Variants in TACC2 observed in about 807,000 individuals in gnomAD.
TACC2 encodes the protein transforming acidic coiled-coil containing protein 2.
A neutral mutation model predicts 227.3 loss-of-function variants in TACC2; 137 were observed. The ratio of observed to expected loss-of-function variants is 0.60; its 90% CI spans 0.52 to 0.69. The LOEUF (loss-of-function observed/expected upper bound fraction) is 0.69, where lower values mean the gene tolerates loss of function less well. Ranked by LOEUF, TACC2 falls within the 30% of genes least tolerant of loss-of-function variation. The pLI, the probability that TACC2 is intolerant of heterozygous loss-of-function variation, is 0.00. For missense variants in TACC2, 3,470 were observed against 3,694.4 expected (o/e 0.94, Z 1.57); for synonymous variants, 1,523 against 1,487.5 (o/e 1.02, Z -0.55).
intron 8 of TACC2, among the ~76,000 whole-genome samples, chr10:122,207,159 C>T (rs1390480224): frequency 7.2e-5 from 11 of 152,014 alleles, no homozygotes; most frequent in Admixed American, 2.0e-4. Context: ...ATTAGCCAGG[C>T]GTGGTGGCAC....
At chr10:121,995,774 A>G (rs1953390343) in intron 1 of TACC2, among the ~76,000 whole-genome samples, 1 of 151,858 alleles carries the variant, frequency 6.6e-6, no homozygotes, top group African/African-American at 2.4e-5. Context: ...TTTTGTTTTG[A>G]GACAGAGTCT....
At chr10:122,068,305 C>T (rs1019971072) in intron 3 of TACC2, among the ~76,000 whole-genome samples, 2 of 152,050 alleles carry the variant, frequency 1.3e-5, no homozygotes, top group Non-Finnish European at 2.9e-5. Flanking sequence ...TGTGTAATTT[C>T]TTGGTTCAAG....
At chr10:122,021,834 A>G (rs1957379792) in intron 1 of TACC2, 103 bp from the exon 2 acceptor site, 2 of 674,518 alleles carry the variant, frequency 3.0e-6, no homozygotes, top group East Asian at 2.8e-5. Flanking sequence ...AGAGATAAAC[A>G]TTTCCCATCA....
At chr10:122,000,711 G>A (rs1380105293) in intron 1 of TACC2, among the ~76,000 whole-genome samples, 1 of 152,146 alleles carries the variant, frequency 6.6e-6, no homozygotes, top group African/African-American at 2.4e-5. Flanking sequence ...TGTCTACAAT[G>A]GTTGAGCTTA....
chr10:122,043,847 T>G (rs1445731266), intron 2 of TACC2, among the ~76,000 whole-genome samples: 5 of 152,226 alleles, frequency 3.3e-5, no homozygotes, highest in African/African-American at 7.2e-5. Flanking sequence ...CCCAAAGTGC[T>G]GGGATTACAG....
In TACC2 at chr10:122,047,484, C is replaced by T. The variant is rs1212000523; in HGVS notation, c.34-2954C>T. Among the ~76,000 whole-genome samples the T allele has an allele frequency of 2.6e-5, 4 of 152,102 alleles. No homozygotes were observed. The South Asian group carries it at 8.3e-4, about 32-fold the overall frequency. The stretch of plus-strand genomic sequence containing the variant: ...GCACTCGTTAAGGGAATGGCTCAGC[C>T]TGCAGGGAGGTCAAGCCAACCCCAG... On this transcript the variant is annotated intron_variant, in intron 2 of 22. Transcript: ENST00000369005.
intron 1 of TACC2, among the ~76,000 whole-genome samples, chr10:122,018,127 C>T (rs1044262503): frequency 8.6e-5 from 13 of 151,924 alleles, no homozygotes; most frequent in African/African-American, 2.4e-4. Flanking sequence ...GCTTCTCACC[C>T]CCATCCCCCA....
chr10:122,030,533 G>C (rs1012252767), intron 2 of TACC2, among the ~76,000 whole-genome samples: 3 of 152,032 alleles, frequency 2.0e-5, no homozygotes, highest in African/African-American at 7.2e-5. Context: ...TGGTGTGGGG[G>C]TTCAATACCC....
At chr10:122,216,143 C>T (rs1438453119) in intron 10 of TACC2, among the ~76,000 whole-genome samples, 4 of 152,162 alleles carry the variant, frequency 2.6e-5, no homozygotes. Context: ...GCTCAGGTCC[C>T]AGCTGCAGCT....
intron 5 of TACC2, among the ~76,000 whole-genome samples, chr10:122,093,584 C>T (rs2081063400): frequency 6.6e-6 from 1 of 152,196 alleles, no homozygotes; most frequent in Non-Finnish European, 1.5e-5. Flanking sequence ...ATGTCACTTA[C>T]AGCAATACTC....
At chr10:122,110,491 T>G (rs1351121430) in intron 5 of TACC2, among the ~76,000 whole-genome samples, 1 of 152,174 alleles carries the variant, frequency 6.6e-6, no homozygotes, top group Non-Finnish European at 1.5e-5. Flanking sequence ...CAGTACTGTA[T>G]GATATTAGGA....
rs747524473 is a variant in TACC2, at chr10:122,087,295, C to T, written c.4795C>T (p.Gln1599Ter). The T allele has an allele frequency of 1.9e-6, 3 of 1,613,816 alleles. No individual in the cohort carries two copies. Among genetic ancestry groups the T allele is most frequent in the African/African-American group, 1.3e-5 (1 of 74,948 alleles). ...CCAAGACAGAATTCCTTCTGGAAAG[C>T]AGCACCAGGAAACATCTGCCTGCGA... ...VAQDRIPSGK[Q>*]HQETSACDSP... Residue 1599 changes from glutamine to a stop codon, truncating the protein, a stop_gained, in exon 4 of 23, where the codon CAG becomes TAG. Transcript: ENST00000369005. LOFTEE classifies it high-confidence loss of function.
intron 8 of TACC2, among the ~76,000 whole-genome samples, chr10:122,195,972 C>G (rs1041479005): frequency 6.6e-6 from 1 of 152,194 alleles, no homozygotes; most frequent in Non-Finnish European, 1.5e-5. Context: ...ACAGCCTTCC[C>G]GTGTGATGAG....
intron 8 of TACC2, among the ~76,000 whole-genome samples, chr10:122,202,867 G>C (rs1159404754): frequency 2.7e-5 from 4 of 150,734 alleles, no homozygotes; most frequent in African/African-American, 4.9e-5. Context: ...GACTCTTAAG[G>C]AGCATGCTGC....
chr10:122,197,129 C>T (rs868763336), intron 8 of TACC2, among the ~76,000 whole-genome samples: 6 of 151,502 alleles, frequency 4.0e-5, no homozygotes, highest in East Asian at 3.9e-4. Context: ...GGCATGGTGC[C>T]GCACGCCTGT....
intron 18 of TACC2, among the ~76,000 whole-genome samples, chr10:122,239,625 G>C (rs1266783434): frequency 6.6e-6 from 1 of 152,172 alleles, no homozygotes; most frequent in African/African-American, 2.4e-5. Context: ...ACCCAGGAAG[G>C]CTGTAAGTTC....
chr10:122,127,365 C>A (rs1286700654), intron 5 of TACC2, among the ~76,000 whole-genome samples: 2 of 152,216 alleles, frequency 1.3e-5, no homozygotes, highest in Non-Finnish European at 2.9e-5. Context: ...ATGTACAGAA[C>A]TGAAGATGTG....
Position 122,084,844 on chromosome 10 carries a change from C to G in TACC2, c.2344C>G (p.Pro782Ala). The change falls in exon 4 of 23, where the codon CCC becomes GCC. Residue 782 changes from proline to alanine, a missense_variant. Physicochemically the swap from Pro to Ala is conservative, Grantham distance 27. Coordinates refer to ENST00000369005, the MANE Select transcript of TACC2 (RefSeq NM_206862.4). ...QEFHAGVPHP[P>A]QGENLAADLG... ...ATTTCATGCTGGGGTGCCACATCCC[C>G]CCCAGGGGGAGAACTTGGCAGCAGA... 6.2e-7 allele frequency: 1 copy of G among 1,613,890 alleles called. No individual in the cohort carries two copies. The highest frequency in any genetic ancestry group is 8.5e-7 in the Non-Finnish European group (1 of 1,180,036).
intron 3 of TACC2, among the ~76,000 whole-genome samples, chr10:122,075,340 T>C (rs4751870): frequency 0.25 from 32,906 of 130,948 alleles, 4,003 homozygotes; most frequent in Non-Finnish European, 0.35. Flanking sequence ...CCATGAAGGA[T>C]GGGGAAGGCT....
Sources: allele counts gnomAD v4.1 joint callset (sites outside exome capture counted in the v4.1 genomes callset), GRCh38; gene constraint gnomAD v4.1.1; transcripts MANE v1.5; gene names NCBI Gene and HGNC (gene_info 2026-07-23, HGNC 2026-07-21).